The following HMGB1 variants were observed in gnomAD, a reference collection of about 807,000 sequenced individuals.
HMGB1 encodes the protein high mobility group protein B1.
For missense variants in HMGB1, 79 were observed against 253.5 expected (o/e 0.31, Z 4.67); for synonymous variants, 81 against 84.0 (o/e 0.96, Z 0.19).
At chr13:30,610,075 T>C (rs1270724476) in intron 1 of HMGB1, among the ~76,000 whole-genome samples, 2 of 152,238 alleles carry the variant, frequency 1.3e-5, no homozygotes, top group Non-Finnish European at 2.9e-5. Flanking sequence ...ATATACTTAC[T>C]TTTCCTTATG....
intron 1 of HMGB1, among the ~76,000 whole-genome samples, chr13:30,478,875 T>TC (rs1361929451): frequency 4.4e-4 from 66 of 149,098 alleles, no homozygotes; most frequent in African/African-American, 1.6e-3. Context: ...TCTTTTCTTT[T>TC]TTTTTTTTTT....
intron 1 of HMGB1, among the ~76,000 whole-genome samples, chr13:30,522,484 T>C (rs1888262104): frequency 6.6e-6 from 1 of 151,918 alleles, no homozygotes. Flanking sequence ...TACCTAACTG[T>C]GATAGAGTCA....
intron 1 of HMGB1, among the ~76,000 whole-genome samples, chr13:30,598,090 T>C (rs899152693): frequency 6.6e-6 from 1 of 152,232 alleles, no homozygotes; most frequent in African/African-American, 2.4e-5. Context: ...GAAGAAGGCA[T>C]GCACCGGCAA....
intron 1 of HMGB1, chr13:30,554,433 G>C (rs1441491720): frequency 7.1e-6 from 6 of 839,634 alleles, no homozygotes; most frequent in Non-Finnish European, 1.2e-5. Flanking sequence ...AGAAAATACT[G>C]AATGGGTCTT....
At chr13:30,529,459 G>A (rs952689279) in intron 1 of HMGB1, among the ~76,000 whole-genome samples, 1 of 152,164 alleles carries the variant, frequency 6.6e-6, no homozygotes. Flanking sequence ...CTACATTTAA[G>A]GCCCTGTCCA....
chr13:30,526,535 A>G (rs1372522694), intron 1 of HMGB1, among the ~76,000 whole-genome samples: 1 of 106,484 alleles, frequency 9.4e-6, no homozygotes, highest in African/African-American at 3.2e-5. Flanking sequence ...GAGATTCTTC[A>G]TCCAGAGAGA....
intron 1 of HMGB1, chr13:30,464,238 G>A (rs1886559057): frequency 1.0e-6 from 1 of 985,410 alleles, no homozygotes; most frequent in African/African-American, 1.7e-5. Context: ...CAGCTCCGGT[G>A]CTCGGAACCC....
chr13:30,615,434 C>T (rs1220784080), intron 1 of HMGB1, among the ~76,000 whole-genome samples: 1 of 152,166 alleles, frequency 6.6e-6, no homozygotes, highest in Non-Finnish European at 1.5e-5. Flanking sequence ...CCAAGGGCAG[C>T]ACCCCATAAT....
At chr13:30,615,127 T>C (rs1950548398) in intron 1 of HMGB1, among the ~76,000 whole-genome samples, 2 of 152,212 alleles carry the variant, frequency 1.3e-5, no homozygotes. Flanking sequence ...ATGCTGTGCA[T>C]ACCTCTATCA....
Position 30,549,785 on chromosome 13 carries a change from C to G in HMGB1, c.-15+66886G>C, listed in dbSNP as rs367899235. Among the ~76,000 whole-genome samples, 75 of 151,446 alleles carry G rather than the reference C, an allele frequency of 5.0e-4. 1 individual carries two copies. The East Asian group carries it at 0.012, about 24-fold the overall frequency. ...AGGCTGGAATGCAGTGGCATGATCT[C>G]GACTCACTGCAACCTCCGCCTCTCG... On this transcript the variant is annotated intron_variant, in intron 1 of 4. Transcript: ENST00000405805.
At chr13:30,565,267 A>G (rs750333051) in intron 1 of HMGB1, among the ~76,000 whole-genome samples, 1 of 152,180 alleles carries the variant, frequency 6.6e-6, no homozygotes, top group Non-Finnish European at 1.5e-5. Context: ...GCAAGCTGTT[A>G]TTTACAAACA....
At chr13:30,586,653 A>G (rs560354824) in intron 1 of HMGB1, among the ~76,000 whole-genome samples, 4 of 151,360 alleles carry the variant, frequency 2.6e-5, no homozygotes, top group Non-Finnish European at 4.4e-5. Context: ...TACCCAGCTA[A>G]TTTTTCTATT....
At chr13:30,538,625 C>CT (rs1173504389) in intron 1 of HMGB1, among the ~76,000 whole-genome samples, 11 of 108,252 alleles carry the variant, frequency 1.0e-4, no homozygotes, top group African/African-American at 5.1e-4. Flanking sequence ...TTCTCTCTCT[C>CT]TTTCTTTTTC....
At chr13:30,483,393 G>T (rs1887282400) in intron 1 of HMGB1, among the ~76,000 whole-genome samples, 1 of 151,962 alleles carries the variant, frequency 6.6e-6, no homozygotes, top group Admixed American at 6.6e-5. Context: ...AAACCCTCCA[G>T]TCCTAGGGAT....
At chr13:30,555,726 A>C (rs1318023613) in intron 1 of HMGB1, among the ~76,000 whole-genome samples, 1 of 152,242 alleles carries the variant, frequency 6.6e-6, no homozygotes, top group African/African-American at 2.4e-5. Context: ...TTTGAATGAC[A>C]GATTTAAGAA....
At chr13:30,547,588 A>G (rs1017749899) in intron 1 of HMGB1, among the ~76,000 whole-genome samples, 3 of 152,080 alleles carry the variant, frequency 2.0e-5, no homozygotes, top group African/African-American at 7.2e-5. Context: ...TCTGTCTAAC[A>G]CCATGGGAAA....
chr13:30,519,478 G>A (rs1416582646), intron 1 of HMGB1, among the ~76,000 whole-genome samples: 3 of 150,804 alleles, frequency 2.0e-5, no homozygotes, highest in African/African-American at 4.9e-5. Context: ...GGCGGATCAC[G>A]AGGTCAGGAG....
chr13:30,478,849 C>CT (rs1887160328), intron 1 of HMGB1, among the ~76,000 whole-genome samples: 1 of 145,984 alleles, frequency 6.9e-6, no homozygotes, highest in South Asian at 2.3e-4. Flanking sequence ...ATCCCAATTT[C>CT]TTTTTTCTTT....
Position 30,538,625 on chromosome 13 carries a change from CTT to C in HMGB1, c.-14-74933_-14-74932del, listed in dbSNP as rs1173504389. ...TTTCTTTCTTTCTCTTTCTCTCTCT[CTT>C]TCTTTTTCTTTCTTCCTTTCTTTCT... On this transcript the variant is annotated intron_variant, in intron 1 of 4. Coordinates refer to the HMGB1 transcript ENST00000405805. Among the ~76,000 whole-genome samples, 6 of 108,298 alleles carry C rather than the reference CTT, an allele frequency of 5.5e-5. 1 individual carries two copies. Among genetic ancestry groups the C allele is most frequent in the South Asian group, 5.4e-4 (2 of 3,676 alleles). 71.0% of individuals were successfully genotyped at this position (108,298 alleles called of 152,430 possible).
Sources: gnomAD v4.1 joint callset for allele counts (sites outside exome capture counted in the v4.1 genomes callset) on GRCh38, gnomAD v4.1.1 for gene constraint, MANE v1.5 for transcripts, NCBI Gene and HGNC (gene_info 2026-07-23, HGNC 2026-07-21) for gene names.